The following CNBD1 variants were observed in gnomAD, a reference collection of about 807,000 sequenced individuals.
The protein encoded by CNBD1 is cyclic nucleotide-binding domain-containing protein 1.
In CNBD1, 71 loss-of-function variants were observed where a neutral mutation model predicts 54.4. The observed-to-expected ratio is 1.30, with a 90% CI of 1.08 to 1.59. CNBD1 has a LOEUF of 1.59. Among genes scored for constraint, CNBD1 ranks in the 40% most tolerant of loss-of-function variants. The pLI, the probability that CNBD1 is intolerant of heterozygous loss-of-function variation, is 0.00. For missense variants in CNBD1, 659 were observed against 518.0 expected (o/e 1.27, Z -2.64); for synonymous variants, 182 against 170.7 (o/e 1.07, Z -0.51).
downstream of CNBD1, among the ~76,000 whole-genome samples, chr8:87,385,229 G>T (rs1586069201): frequency 6.6e-6 from 1 of 152,248 alleles, no homozygotes; most frequent in East Asian, 1.9e-4. Flanking sequence ...ATTTCCAACT[G>T]AGCTACCGGG....
intron 4 of CNBD1, among the ~76,000 whole-genome samples, chr8:87,082,936 C>T (rs1586243968): frequency 6.6e-6 from 1 of 152,114 alleles, no homozygotes; most frequent in Non-Finnish European, 1.5e-5. Context: ...TTAGAATTGA[C>T]AATATGCAAC....
intron 4 of CNBD1, among the ~76,000 whole-genome samples, chr8:86,949,947 CTTTTTTTTTTTT>C (rs770744308): frequency 1.3e-4 from 2 of 15,702 alleles, no homozygotes; most frequent in Non-Finnish European, 2.2e-4. Context: ...TCATCAAATG[CTTTTTTTTTTTT>C]TTTTTTTTTT....
In CNBD1 at chr8:87,284,790, C is replaced by A. The variant is rs916887847; in HGVS notation, c.884C>A (p.Ala295Glu). The change falls in exon 7 of 11, where the codon GCA becomes GAA. Residue 295 changes from alanine to glutamate, a missense_variant. Physicochemically the swap from Ala to Glu is moderately radical, Grantham distance 107 (BLOSUM62 -1). Transcript: ENST00000518476. ...EDDCEILKIP[A>E]KGYAKIKEEK... is the part of the protein sequence containing the mutation. ...GATTGTGAAATTCTTAAAATCCCAG[C>A]AAAGGGATATGCAAAGATAAAGGAG... is the stretch of plus-strand genomic sequence containing the variant. 2 of 1,589,870 alleles carry A rather than the reference C, an allele frequency of 1.3e-6. No homozygotes were observed. The highest frequency in any genetic ancestry group is 1.7e-6 in the Non-Finnish European group (2 of 1,167,604).
chr8:87,087,691 C>T (rs929017692), intron 4 of CNBD1, among the ~76,000 whole-genome samples: 5 of 152,004 alleles, frequency 3.3e-5, no homozygotes, highest in African/African-American at 1.2e-4. Context: ...TGGTCTCGAT[C>T]CCCTGACCTC....
intron 10 of CNBD1, among the ~76,000 whole-genome samples, chr8:87,362,530 T>C (rs1300322749): frequency 1.3e-5 from 2 of 152,078 alleles, no homozygotes; most frequent in African/African-American, 2.4e-5. Context: ...CTATAGCTAA[T>C]GCTTGAGACA....
At chr8:87,416,551 T>G (rs1004633653) in intron 2 of CNBD1, among the ~76,000 whole-genome samples, 3 of 151,938 alleles carry the variant, frequency 2.0e-5, no homozygotes, top group African/African-American at 4.8e-5. Flanking sequence ...CAGAACAGGG[T>G]TGGAGACCCT....
At chr8:87,374,994 G>A (rs1395778356) in intron 10 of CNBD1, among the ~76,000 whole-genome samples, 4 of 150,088 alleles carry the variant, frequency 2.7e-5, no homozygotes, top group Admixed American at 2.6e-4. Context: ...ATAATTTCTG[G>A]ATTAGAACAT....
At chr8:86,882,106 T>G (rs961938680) in intron 1 of CNBD1, among the ~76,000 whole-genome samples, 1 of 152,090 alleles carries the variant, frequency 6.6e-6, no homozygotes, top group Non-Finnish European at 1.5e-5. Context: ...GCAATACCAT[T>G]CAGAGGCATG....
intron 8 of CNBD1, among the ~76,000 whole-genome samples, chr8:87,302,088 A>T (rs1235779061): frequency 6.6e-6 from 1 of 152,196 alleles, no homozygotes; most frequent in Non-Finnish European, 1.5e-5. Flanking sequence ...ATTCCTTCTG[A>T]AACTATTCCA....
At chr8:87,315,639 C>A (rs6995133) in intron 8 of CNBD1, among the ~76,000 whole-genome samples, 57,131 of 151,724 alleles carry the variant, frequency 0.38, 11,020 homozygotes, top group Middle Eastern at 0.45. Context: ...CCTCATGACC[C>A]AAAAACTTCC....
chr8:87,385,746 G>T (rs956910695), downstream of CNBD1, among the ~76,000 whole-genome samples: 3 of 152,154 alleles, frequency 2.0e-5, no homozygotes, highest in Admixed American at 1.3e-4. Context: ...AAATGTCCCT[G>T]TCTGACAGCT....
intron 2 of CNBD1, chr8:87,428,449 A>G (rs1156931992): frequency 6.3e-6 from 2 of 317,518 alleles, no homozygotes; most frequent in South Asian, 2.4e-5. Flanking sequence ...TTTGTCTACT[A>G]TTTTGAAATA....
intron 4 of CNBD1, among the ~76,000 whole-genome samples, chr8:87,165,785 T>G (rs1160661119): frequency 6.6e-6 from 1 of 151,968 alleles, no homozygotes; most frequent in East Asian, 1.9e-4. Context: ...TGTCTAAACT[T>G]TTTTATTTTT....
chr8:87,276,133 A>G (rs1271939193), intron 6 of CNBD1, among the ~76,000 whole-genome samples: 2 of 151,964 alleles, frequency 1.3e-5, no homozygotes, highest in Admixed American at 6.6e-5. Context: ...TATATAGTAT[A>G]GGCATTGGAG....
chr8:87,145,518 G>A (rs552726805), intron 4 of CNBD1, among the ~76,000 whole-genome samples: 1 of 152,048 alleles, frequency 6.6e-6, no homozygotes, highest in Non-Finnish European at 1.5e-5. Flanking sequence ...ATAACATAAT[G>A]TAAATAAAAT....
chr8:87,349,184 C>A (rs528334997), intron 8 of CNBD1, among the ~76,000 whole-genome samples: 3 of 151,842 alleles, frequency 2.0e-5, no homozygotes, highest in Non-Finnish European at 4.4e-5. Flanking sequence ...TTGTCATTTT[C>A]TATATAAGGG....
At chr8:87,314,749 A>G (rs922187470) in intron 8 of CNBD1, among the ~76,000 whole-genome samples, 1 of 152,048 alleles carries the variant, frequency 6.6e-6, no homozygotes, top group African/African-American at 2.4e-5. Context: ...CTCTTTGTCA[A>G]TTTTAAAGGA....
intron 10 of CNBD1, among the ~76,000 whole-genome samples, chr8:87,374,598 C>T (rs1049096505): frequency 6.6e-6 from 1 of 151,710 alleles, no homozygotes; most frequent in African/African-American, 2.4e-5. Context: ...TACTGGGGCA[C>T]GTTAAATTTC....
At chr8:87,226,749 A>T (rs918796021) in intron 5 of CNBD1, among the ~76,000 whole-genome samples, 4 of 151,866 alleles carry the variant, frequency 2.6e-5, no homozygotes, top group Non-Finnish European at 5.9e-5. Flanking sequence ...GTAGATGTCT[A>T]TTAGGTCCGC....
Sources: gnomAD v4.1 joint callset for allele counts (sites outside exome capture counted in the v4.1 genomes callset) on GRCh38, gnomAD v4.1.1 for gene constraint, MANE v1.5 for transcripts, NCBI Gene and HGNC (gene_info 2026-07-23, HGNC 2026-07-21) for gene names.